Variants in HELZ2 observed in about 807,000 individuals in gnomAD.
HELZ2 encodes the protein helicase with zinc finger 2, also known as 3'-5' exoribonuclease HELZ2.
A neutral mutation model predicts 208.8 loss-of-function variants in HELZ2; 143 were observed. That is an observed-to-expected ratio of 0.68 (90% CI 0.60 to 0.79). The LOEUF is 0.79. Ranked by LOEUF, HELZ2 falls within the 30% of genes least tolerant of loss-of-function variation. The pLI, the probability that HELZ2 is intolerant of heterozygous loss-of-function variation, is 0.00. For synonymous variants in HELZ2, 1,705 were observed against 1,693.7 expected (o/e 1.01, Z -0.16); for missense variants, 3,690 against 3,794.5 (o/e 0.97, Z 0.72).
At chr20:63,561,944 C>A (rs1193577372) in exon 11 of HELZ2, 1 of 1,602,374 alleles carries the variant, frequency 6.2e-7, no homozygotes, top group Admixed American at 1.7e-5. Context: ...ATTTATGAAA[C>A]CAGAATACGA....
At chr20:63,570,038 T>C in intron 3 of HELZ2, 1 of 423,900 alleles carries the variant, frequency 2.4e-6, no homozygotes, top group Non-Finnish European at 4.4e-6. Context: ...AACCTCCGCC[T>C]CCTGGGTTCA....
exon 8 of HELZ2, chr20:63,565,102 G>A (rs2082936828): frequency 3.8e-6 from 6 of 1,566,354 alleles, no homozygotes; most frequent in Admixed American, 1.9e-5. Context: ...TCCGGAGGCT[G>A]TAGATGGGGA....
intron 1 of HELZ2, 82 bp downstream of exon 2, chr20:63,572,026 C>T (rs1360455046): frequency 2.0e-5 from 28 of 1,414,578 alleles, no homozygotes; most frequent in African/African-American, 6.0e-5. Context: ...GCTCCTGCCC[C>T]ACTCCAAGCT....
At chr20:63,573,645 C>T (rs2083033618), upstream of HELZ2, among the ~76,000 whole-genome samples, 3 of 152,160 alleles carry the variant, frequency 2.0e-5, no homozygotes, top group Admixed American at 2.0e-4. The surrounding 1 kb of genome is among the most constrained non-coding windows in gnomAD (Gnocchi z 4.9). Flanking sequence ...GACACAGCAC[C>T]TCCTTTTCTA....
At chr20:63,568,943 T>C in exon 5 of HELZ2, 1 of 1,607,086 alleles carries the variant, frequency 6.2e-7, no homozygotes. Context: ...GAAGAGCATG[T>C]TCAGCGCTGG....
At chr20:63,558,401 C>T (rs1416005686), downstream of HELZ2, 7 of 152,302 alleles carry the variant, frequency 4.6e-5, no homozygotes, top group East Asian at 1.1e-3. Flanking sequence ...GCGGGGTGGG[C>T]CCCTGGCTTT....
At chr20:63,561,709 C>T (rs200886569) in exon 12 of HELZ2, 17 of 1,611,296 alleles carry the variant, frequency 1.1e-5, no homozygotes, top group East Asian at 2.2e-5. Flanking sequence ...ACTGTACACA[C>T]GGAGGGGCTT....
In HELZ2 at chr20:63,570,498, G is replaced by T. The variant is rs75696899; in HGVS notation, c.570+6C>A. Reference sequence around the variant, plus strand: ...CTCCGCCCAGTCGGAGCTGTTCTCCGCTCACCTCAGAGTGGACGGCAAACG... The same window carrying T: ...CTCCGCCCAGTCGGAGCTGTTCTCCTCTCACCTCAGAGTGGACGGCAAACG... On this transcript the variant is annotated splice_donor_region_variant and intron_variant, in intron 3 of 18. Coordinates refer to ENST00000467148, the Ensembl canonical transcript of HELZ2. The T allele has an allele frequency of 6.2e-7, 1 of 1,610,532 alleles. No individual in the cohort carries two copies. Among genetic ancestry groups the T allele is most frequent in the Non-Finnish European group, 8.5e-7 (1 of 1,177,662 alleles).
At chr20:63,562,564 G>T in exon 8 of HELZ2, 1 of 1,597,312 alleles carries the variant, frequency 6.3e-7, no homozygotes, top group Non-Finnish European at 8.5e-7. Context: ...TGAACAGGGT[G>T]CCCGGCCTCA....
exon 8 of HELZ2, chr20:63,563,867 C>T (rs3827022): frequency 0.22 from 346,032 of 1,593,472 alleles, 43,684 homozygotes; most frequent in East Asian, 0.6. Flanking sequence ...CTGGTGGCCC[C>T]GGGCGCAGCG....
downstream of HELZ2, chr20:63,559,152 C>T (rs1298217213): frequency 4.4e-6 from 6 of 1,369,958 alleles, no homozygotes; most frequent in African/African-American, 1.5e-5. Flanking sequence ...GGCAGGCTGG[C>T]CCAGGCAGGC....
chr20:63,568,161 C>G (rs2082981994), intron 5 of HELZ2, 197 bp downstream of exon 6: 1 of 595,950 alleles, frequency 1.7e-6, no homozygotes, highest in East Asian at 2.8e-5. Flanking sequence ...GCAGAGGCAC[C>G]CAGCTCCTCA....
rs368832792 is a variant in HELZ2, at chr20:63,569,536, C to T, written c.700G>A (p.Asp234Asn). 52 of 1,607,702 alleles carry T rather than the reference C, an allele frequency of 3.2e-5. No individual in the cohort carries two copies. The East Asian group carries it at 4.0e-4, about 13-fold the overall frequency. Reference sequence around the variant, plus strand: ...TGCACACGCACTCCCACCTGGAAGTCGGCAGTGGAGCTGGGCACACGGAAG... The same window carrying T: ...TGCACACGCACTCCCACCTGGAAGTTGGCAGTGGAGCTGGGCACACGGAAG... Residue 234 changes from aspartate (D) to asparagine (N), a missense_variant, in exon 4 of 19, where the codon GAC becomes AAC. By Grantham distance (23) the Asp-to-Asn change is conservative (BLOSUM62 1). This residue lies in a region of HELZ2 where 1,119 missense variants were observed against 1,193.4 expected (regional missense o/e 0.94). Coordinates refer to ENST00000467148, the Ensembl canonical transcript of HELZ2.
At chr20:63,572,536 C>T, upstream of HELZ2, 1 of 828,300 alleles carries the variant, frequency 1.2e-6, no homozygotes, top group East Asian at 2.8e-5. Flanking sequence ...CCTCGGCGCT[C>T]ACGTGGGCCA....
exon 8 of HELZ2, chr20:63,565,366 C>T (rs774721417): frequency 2.6e-5 from 41 of 1,607,416 alleles, no homozygotes; most frequent in Admixed American, 5.0e-5. Flanking sequence ...GGATGGGGCC[C>T]GAGGAGGCAT....
chr20:63,572,434 C>G (rs377115286), exon 1 of HELZ2: 5 of 1,446,302 alleles, frequency 3.5e-6, no homozygotes, highest in Non-Finnish European at 4.5e-6. Flanking sequence ...CACGCCAGCA[C>G]GGCTGCCCAC....
chr20:63,571,105 C>T, intron 1 of HELZ2: 1 of 491,240 alleles, frequency 2.0e-6, no homozygotes, highest in Non-Finnish European at 3.6e-6. Flanking sequence ...GCAGGGAGGC[C>T]CCCGTCCACT....
exon 8 of HELZ2, chr20:63,564,237 T>C (rs781393080): frequency 3.1e-6 from 5 of 1,611,906 alleles, no homozygotes; most frequent in East Asian, 2.2e-5. Context: ...AACTGAATCA[T>C]GTACTCCTTC....
exon 15 of HELZ2, chr20:63,560,810 G>A (rs2082877390): frequency 6.2e-7 from 1 of 1,612,326 alleles, no homozygotes; most frequent in African/African-American, 1.3e-5. Context: ...GGTACTGAGT[G>A]TCCAGCATAT....
Sources: gnomAD v4.1 joint callset for allele counts (sites outside exome capture counted in the v4.1 genomes callset) on GRCh38, gnomAD v4.1.1 for gene constraint, gnomAD v4.1.1 regional missense constraint, Gnocchi (gnomAD v3.1) non-coding constraint, MANE v1.5 for transcripts, NCBI Gene and HGNC (gene_info 2026-07-23, HGNC 2026-07-21) for gene names.